The following OGDH variants were observed in gnomAD, a reference collection of about 807,000 sequenced individuals.
OGDH encodes oxoglutarate dehydrogenase, also known as 2-oxoglutarate dehydrogenase complex component E1.
OGDH carries 38 observed loss-of-function variants against 116.6 expected under a neutral mutation model. The ratio of observed to expected loss-of-function variants is 0.33; its 90% CI spans 0.25 to 0.43. OGDH has a LOEUF of 0.43. Among genes scored for constraint, OGDH ranks in the 20% least tolerant of loss-of-function variants. The pLI is 1.00. For synonymous variants in OGDH, 488 were observed against 533.3 expected (o/e 0.92, Z 1.17); for missense variants, 825 against 1,357.2 (o/e 0.61, Z 6.16).
chr7:44,669,550 A>G (rs937944851), intron 5 of OGDH, among the ~76,000 whole-genome samples: 1 of 152,024 alleles, frequency 6.6e-6, no homozygotes, highest in Admixed American at 6.5e-5. Flanking sequence ...GGGCCTGTTC[A>G]GGACCTTCCT....
intron 2 of OGDH, among the ~76,000 whole-genome samples, chr7:44,635,577 G>C (rs544633746): frequency 1.3e-5 from 2 of 152,322 alleles, no homozygotes; most frequent in African/African-American, 4.8e-5. Flanking sequence ...GCTATGGATA[G>C]ATGAGAGGAA....
chr7:44,609,913 G>A (rs1205014081), intron 1 of OGDH, among the ~76,000 whole-genome samples: 1 of 152,110 alleles, frequency 6.6e-6, no homozygotes, highest in Non-Finnish European at 1.5e-5. Context: ...CTTTGTGGTT[G>A]TAATTTGCAT....
In OGDH at chr7:44,624,579, G is replaced by T; in HGVS notation, c.222+14G>T. On this transcript the variant is annotated intron_variant, in intron 2 of 22. Coordinates refer to ENST00000222673, the MANE Select transcript of OGDH (RefSeq NM_002541.4). ...AGTGTACATAAGGTAAGGCTCGCAG[G>T]GCTGTGGGTCTGCCTCATGTTGGTG... The T allele has an allele frequency of 1.9e-6, 3 of 1,606,120 alleles. No individual in the cohort carries two copies. Among genetic ancestry groups the T allele is most frequent in the Non-Finnish European group, 2.6e-6 (3 of 1,174,148 alleles).
At chr7:44,620,227 G>A (rs1431487892) in intron 1 of OGDH, among the ~76,000 whole-genome samples, 4 of 152,222 alleles carry the variant, frequency 2.6e-5, no homozygotes, top group Non-Finnish European at 5.9e-5. Flanking sequence ...CGCCATGTTA[G>A]CTAGGCTGGT....
chr7:44,626,824 G>A (rs1327017444), intron 2 of OGDH, among the ~76,000 whole-genome samples: 2 of 152,130 alleles, frequency 1.3e-5, no homozygotes, highest in Non-Finnish European at 1.5e-5. Flanking sequence ...CTCCCTGCTT[G>A]TAGAGGGGAG....
chr7:44,616,838 CATATACGTGT>C (rs1784816412), intron 1 of OGDH, among the ~76,000 whole-genome samples: 1 of 123,270 alleles, frequency 8.1e-6, no homozygotes, highest in Non-Finnish European at 1.6e-5. Context: ...TATATATACA[CATATACGTGT>C]ATATATATAC....
intron 1 of OGDH, among the ~76,000 whole-genome samples, chr7:44,611,975 G>T (rs1784584875): frequency 6.6e-6 from 1 of 151,892 alleles, no homozygotes; most frequent in South Asian, 2.1e-4. Context: ...CAACATGCAG[G>T]TTTGTTACAT....
intron 2 of OGDH, among the ~76,000 whole-genome samples, chr7:44,629,697 A>G (rs2268305): frequency 0.44 from 65,535 of 149,640 alleles, 14,376 homozygotes; most frequent in East Asian, 0.6. Context: ...CTCGTACCTC[A>G]GTCTCCCAGC....
chr7:44,641,539 C>G (rs1785945640), intron 2 of OGDH, among the ~76,000 whole-genome samples: 1 of 152,084 alleles, frequency 6.6e-6, no homozygotes, highest in African/African-American at 2.4e-5. Flanking sequence ...TTAGGTTTTA[C>G]GTGACAGTGG....
intron 1 of OGDH, among the ~76,000 whole-genome samples, chr7:44,612,920 G>C (rs146783930): frequency 6.8e-6 from 1 of 146,244 alleles, no homozygotes; most frequent in Non-Finnish European, 1.5e-5. Context: ...TCACTCTGTC[G>C]CCCAGGCTGG....
intron 2 of OGDH, among the ~76,000 whole-genome samples, chr7:44,634,752 G>C (rs529377722): frequency 1.3e-5 from 2 of 152,228 alleles, no homozygotes; most frequent in Non-Finnish European, 2.9e-5. Flanking sequence ...AGGCAGAATG[G>C]TGGTAAGTGG....
chr7:44,650,323 C>T (rs1199847888), intron 4 of OGDH, among the ~76,000 whole-genome samples: 2 of 152,132 alleles, frequency 1.3e-5, no homozygotes, highest in African/African-American at 4.8e-5. Context: ...CTCATTTGAA[C>T]CTCAGAGAGC....
chr7:44,635,341 T>C (rs80065310), intron 2 of OGDH, among the ~76,000 whole-genome samples: 1,607 of 152,162 alleles, frequency 0.011, 27 homozygotes, highest in African/African-American at 0.037. Context: ...GTAAGTGAGG[T>C]TGTGTGGATA....
intron 2 of OGDH, among the ~76,000 whole-genome samples, 187 bp downstream of exon 2, chr7:44,624,752 G>C (rs746800200): frequency 2.0e-5 from 3 of 152,148 alleles, no homozygotes; most frequent in African/African-American, 7.2e-5. Context: ...CTGGATTGGC[G>C]TCCAGCAGTA....
chr7:44,695,483 G>C (rs1294228104), intron 12 of OGDH, among the ~76,000 whole-genome samples: 1 of 151,912 alleles, frequency 6.6e-6, no homozygotes, highest in African/African-American at 2.4e-5. Context: ...GAGGCAGGTG[G>C]ATCATGAGGT....
chr7:44,648,885 C>G (rs1251704989), intron 4 of OGDH, among the ~76,000 whole-genome samples: 1 of 152,116 alleles, frequency 6.6e-6, no homozygotes. Flanking sequence ...GAGTTGAACC[C>G]TGCTTTTTCA....
chr7:44,707,807 C>T lies in OGDH; in HGVS notation c.2951+71C>T, dbSNP rs1426942129. 7.5e-6 allele frequency: 12 copies of T among 1,609,840 alleles called. No homozygotes were observed. Among genetic ancestry groups the T allele is most frequent in the Non-Finnish European group, 1.0e-5 (12 of 1,177,528 alleles). On this transcript the variant is annotated intron_variant, in intron 22 of 22. Transcript: ENST00000222673. This position sits in a 1 kb window ranked among gnomAD's most constrained non-coding sequence, Gnocchi z 5.2. ...AGGCCAGTAGGCAGTTAGCCAGGCACATGCAGCAGAGGGATGGGCTGGGCC... is the reference window on the plus strand; with the variant it reads ...AGGCCAGTAGGCAGTTAGCCAGGCATATGCAGCAGAGGGATGGGCTGGGCC...
At chr7:44,684,841 G>A (rs775065046) in intron 10 of OGDH, among the ~76,000 whole-genome samples, 1 of 152,008 alleles carries the variant, frequency 6.6e-6, no homozygotes. Context: ...CCAGGCTGGA[G>A]TGCAGTGGCG....
intron 10 of OGDH, among the ~76,000 whole-genome samples, chr7:44,691,653 G>A (rs1007065592): frequency 5.9e-5 from 9 of 152,008 alleles, no homozygotes; most frequent in African/African-American, 2.2e-4. Context: ...CCATAGGAAG[G>A]GATATTAAAC....
Sources: gnomAD v4.1 joint callset for allele counts (sites outside exome capture counted in the v4.1 genomes callset) on GRCh38, gnomAD v4.1.1 for gene constraint, Gnocchi (gnomAD v3.1) non-coding constraint, MANE v1.5 for transcripts, NCBI Gene and HGNC (gene_info 2026-07-23, HGNC 2026-07-21) for gene names.